KCNIP4: variants seen among roughly 807,000 people sequenced by gnomAD.
KCNIP4 encodes the protein Kv channel-interacting protein 4.
A neutral mutation model predicts 34.0 loss-of-function variants in KCNIP4; 12 were observed. That is an observed-to-expected ratio of 0.35 (90% confidence interval 0.23 to 0.57). The LOEUF (loss-of-function observed/expected upper bound fraction) is 0.57. Ranked by LOEUF, KCNIP4 falls within the 20% of genes least tolerant of loss-of-function variation. The pLI, the probability that KCNIP4 is intolerant of heterozygous loss-of-function variation, is 0.83. For missense variants in KCNIP4, 238 were observed against 311.7 expected (o/e 0.76, Z 1.78); for synonymous variants, 124 against 102.2 (o/e 1.21, Z -1.29).
At chr4:21,176,443 G>A (rs1001980611) in intron 1 of KCNIP4, among the ~76,000 whole-genome samples, 2 of 152,134 alleles carry the variant, frequency 1.3e-5, no homozygotes, top group East Asian at 1.9e-4. Context: ...CAAGAAGGGT[G>A]GATGCTGCTA....
In KCNIP4 at chr4:21,098,852, C is replaced by G. The variant is rs552653885; in HGVS notation, c.62-216143G>C. 1.3e-4 allele frequency among the ~76,000 whole-genome samples: 20 copies of G among 152,120 alleles called. 1 individual carries two copies. The South Asian group carries it at 4.1e-3, about 32-fold the overall frequency. On this transcript the variant is annotated intron_variant, in intron 1 of 8. Coordinates refer to ENST00000382152, the MANE Select transcript of KCNIP4 (RefSeq NM_025221.6). ...CAAAAGAAGACATTTATGTGGCCAA[C>G]AAACATATGAAAAAAAGCTCAACAT...
intron 1 of KCNIP4, among the ~76,000 whole-genome samples, chr4:21,734,500 T>C (rs886168252): frequency 1.1e-4 from 16 of 152,298 alleles, no homozygotes; most frequent in African/African-American, 3.8e-4. Context: ...TTTTGAATTA[T>C]ATTGGTATTT....
chr4:21,854,839 A>G (rs1724650458), intron 1 of KCNIP4, among the ~76,000 whole-genome samples: 1 of 152,214 alleles, frequency 6.6e-6, no homozygotes, highest in Admixed American at 6.5e-5. Context: ...AAGAGTGCTA[A>G]TACAACATTT....
At chr4:20,910,031 G>A (rs1728179711) in intron 1 of KCNIP4, among the ~76,000 whole-genome samples, 1 of 152,140 alleles carries the variant, frequency 6.6e-6, no homozygotes, top group South Asian at 2.1e-4. Context: ...AGCAGCCACT[G>A]GGCAGTTTTT....
intron 1 of KCNIP4, among the ~76,000 whole-genome samples, chr4:21,462,809 G>GTA (rs1729585616): frequency 6.7e-6 from 1 of 150,366 alleles, no homozygotes; most frequent in Non-Finnish European, 1.5e-5. Context: ...GTGTGTGTAT[G>GTA]TGTGTCTATG....
intron 1 of KCNIP4, among the ~76,000 whole-genome samples, chr4:21,699,506 T>G (rs1220955847): frequency 6.6e-6 from 1 of 151,988 alleles, no homozygotes; most frequent in Non-Finnish European, 1.5e-5. Flanking sequence ...GGTTGAGAGG[T>G]CAGGAAAGAG....
chr4:21,930,635 C>T (rs1729511874), intron 1 of KCNIP4, among the ~76,000 whole-genome samples: 1 of 152,096 alleles, frequency 6.6e-6, no homozygotes, highest in Non-Finnish European at 1.5e-5. Context: ...AAATCTGAGC[C>T]TTTGCACAGG....
chr4:21,507,742 C>T (rs1214087123), intron 1 of KCNIP4, among the ~76,000 whole-genome samples: 1 of 152,044 alleles, frequency 6.6e-6, no homozygotes, highest in Non-Finnish European at 1.5e-5. Flanking sequence ...ACAAATTCTA[C>T]AAAGATAGTT....
intron 1 of KCNIP4, among the ~76,000 whole-genome samples, chr4:21,538,307 T>C (rs1392667448): frequency 6.6e-6 from 1 of 152,130 alleles, no homozygotes; most frequent in African/African-American, 2.4e-5. Flanking sequence ...TGTGATACTT[T>C]GTTATGGTCA....
intron 2 of KCNIP4, among the ~76,000 whole-genome samples, chr4:20,869,400 A>C (rs1023588964): frequency 1.3e-5 from 2 of 152,082 alleles, no homozygotes; most frequent in African/African-American, 4.8e-5. Context: ...TGTGGGCATT[A>C]AATGAGATGG....
intron 1 of KCNIP4, among the ~76,000 whole-genome samples, chr4:21,207,693 C>T (rs1367733248): frequency 6.6e-6 from 1 of 152,100 alleles, no homozygotes; most frequent in Admixed American, 6.6e-5. Context: ...ATTATTAGTG[C>T]AAGGCTTTCC....
At chr4:21,797,860 C>T (rs1417792636) in intron 1 of KCNIP4, among the ~76,000 whole-genome samples, 2 of 152,074 alleles carry the variant, frequency 1.3e-5, no homozygotes, top group African/African-American at 4.8e-5. Flanking sequence ...ATGATAAACA[C>T]TCTGGTAAGG....
chr4:21,556,920 C>CAAAAAAAAAACAAAAACA (rs1281543089), intron 1 of KCNIP4, among the ~76,000 whole-genome samples: 1 of 35,664 alleles, frequency 2.8e-5, no homozygotes, highest in African/African-American at 1.0e-4. Flanking sequence ...GACTCCATCT[C>CAAAAAAAAAACAAAAACA]AGAAAAAAAA....
At chr4:21,327,516 T>TAATTCTTTCTGATGTTTTTGTCCTATGAC (rs1715204745) in intron 1 of KCNIP4, among the ~76,000 whole-genome samples, 1 of 152,212 alleles carries the variant, frequency 6.6e-6, no homozygotes, top group South Asian at 2.1e-4. Flanking sequence ...ATTAAATGTT[T>TAATTCTTTCTGATGTTTTTGTCCTATGAC]TGAAGTAGTG....
intron 1 of KCNIP4, among the ~76,000 whole-genome samples, chr4:21,724,143 A>G (rs886926270): frequency 1.3e-5 from 2 of 152,110 alleles, no homozygotes; most frequent in African/African-American, 4.8e-5. Context: ...GTACATCTCT[A>G]TCTCTTTTAT....
chr4:21,314,975 T>TA (rs1442756948), intron 1 of KCNIP4, among the ~76,000 whole-genome samples: 1 of 152,214 alleles, frequency 6.6e-6, no homozygotes, highest in Non-Finnish European at 1.5e-5. Flanking sequence ...CCACTACAGT[T>TA]ATGGCTGATC....
rs541909993 is a variant in KCNIP4 at position 20,828,867 on chromosome 4, T to G, written c.288+21676A>C. On this transcript the variant is annotated intron_variant, in intron 3 of 8. Coordinates refer to ENST00000382152, the MANE Select transcript of KCNIP4 (RefSeq NM_025221.6). The stretch of plus-strand genomic sequence containing the variant: ...AAAAGCCCTTGGAATAAGAGAGTAC[T>G]GAGAGATAGGACAAACACATTTTTT... Among the ~76,000 whole-genome samples, 11 of 152,306 alleles carry G rather than the reference T, an allele frequency of 7.2e-5. No individual in the cohort carries two copies. The East Asian group carries it at 2.1e-3, about 29-fold the overall frequency.
intron 1 of KCNIP4, among the ~76,000 whole-genome samples, chr4:21,486,715 A>C (rs1460380439): frequency 6.6e-6 from 1 of 152,196 alleles, no homozygotes; most frequent in Non-Finnish European, 1.5e-5. Context: ...AATTGCTAAG[A>C]TAGTACAGAT....
At chr4:21,012,567 G>C (rs925378184) in intron 1 of KCNIP4, among the ~76,000 whole-genome samples, 1 of 152,042 alleles carries the variant, frequency 6.6e-6, no homozygotes, top group African/African-American at 2.4e-5. Flanking sequence ...ACCTTGGCTC[G>C]AATCAAAGCA....
Sources: allele counts gnomAD v4.1 joint callset (sites outside exome capture counted in the v4.1 genomes callset), GRCh38; gene constraint gnomAD v4.1.1; transcripts MANE v1.5; gene names NCBI Gene and HGNC (gene_info 2026-07-23, HGNC 2026-07-21).